The following CDC27 variants were observed in gnomAD, a reference collection of about 807,000 sequenced individuals.
CDC27 encodes cell division cycle 27.
In CDC27, 27 loss-of-function variants were observed where a neutral mutation model predicts 109.7. The observed-to-expected ratio is 0.25, with a 90% confidence interval of 0.18 to 0.34. The LOEUF (loss-of-function observed/expected upper bound fraction) is 0.34. Ranked by LOEUF, CDC27 falls within the 10% of genes least tolerant of loss-of-function variation. CDC27 has a pLI of 1.00. For synonymous variants in CDC27, 266 were observed against 333.9 expected (o/e 0.80, Z 2.22); for missense variants, 579 against 960.2 (o/e 0.60, Z 5.25).
chr17:47,188,883 G>A, intron 1 of CDC27: 2 of 1,381,764 alleles, frequency 1.4e-6, no homozygotes. Flanking sequence ...AGGAAAGGCT[G>A]GCCGGACGTT....
At position 47,133,062 on chromosome 17, in the gene CDC27, T is replaced by TATACAC. The variant is rs373677958; in HGVS notation, c.1914-689_1914-688insGTGTAT. 2.8e-3 allele frequency among the ~76,000 whole-genome samples: 208 copies of TATACAC among 73,688 alleles called. 3 individuals are homozygous for TATACAC. Among genetic ancestry groups the TATACAC allele is most frequent in the Middle Eastern group, 7.2e-3 (1 of 138 alleles). The allele number at this position is 73,688 out of a possible 152,430, so 48.3% of individuals were successfully genotyped here. On this transcript the variant is annotated intron_variant, in intron 14 of 18. Transcript: ENST00000066544. ...ACACACACACACACACACATACATATACACACACACACACACACACACAAA... is the reference window on the plus strand; with the variant it reads ...ACACACACACACACACACATACATATATACACACACACACACACACACACACACAAA...
In CDC27 at chr17:47,120,832, C is replaced by T. The variant is rs913178300; in HGVS notation, c.*103G>A. ...GCACACTCATGGTATAAGTGACGGA[C>T]GATGACACCGCCAGCTCAAGAGTAA... On this transcript the variant is annotated 3_prime_UTR_variant, in exon 19 of 19. Coordinates refer to ENST00000066544, the MANE Select transcript of CDC27 (RefSeq NM_001256.6). The T allele has an allele frequency of 3.0e-5, 24 of 790,430 alleles. No individual in the cohort carries two copies. The highest frequency in any genetic ancestry group is 4.5e-5 in the Non-Finnish European group (21 of 466,192). The allele number at this position is 790,430 out of a possible 1,614,324, so 49.0% of individuals were successfully genotyped here.
intron 14 of CDC27, among the ~76,000 whole-genome samples, chr17:47,133,133 AT>A (rs1568375201): frequency 8.9e-6 from 1 of 111,962 alleles, no homozygotes; most frequent in Non-Finnish European, 1.8e-5. Context: ...ATATATATAT[AT>A]ATAATATATA....
rs543959368 is a variant in CDC27 at position 47,138,411 on chromosome 17, ATTTAT to A, written c.1704+323_1704+327del. ...CCTATGTCTTACAATGACAATACTA[ATTTAT>A]TTTAATTTAAAATTATTAATTTTTT... On this transcript the variant is annotated intron_variant, in intron 13 of 18. Coordinates refer to ENST00000066544, the MANE Select transcript of CDC27 (RefSeq NM_001256.6). Among the ~76,000 whole-genome samples the A allele has an allele frequency of 1.9e-3, 292 of 152,316 alleles. 1 individual carries two copies. Among genetic ancestry groups the A allele is most frequent in the African/African-American group, 5.3e-3 (219 of 41,570 alleles).
rs143754152 is a variant in CDC27, at chr17:47,148,273, A to G, written c.1070+3533T>C. Among the ~76,000 whole-genome samples, 73 of 152,302 alleles carry G rather than the reference A, an allele frequency of 4.8e-4. No individual in the cohort carries two copies. In the East Asian group the frequency reaches 0.012, roughly 24 times the overall value. On this transcript the variant is annotated intron_variant, in intron 9 of 18. Transcript: ENST00000066544. ...AGACAAATGTCTGCAATAAAAAAAC[A>G]AAACAAAACAAAAAACCCAACAACA...
chr17:47,144,562 A>G (rs1217387810), intron 9 of CDC27, among the ~76,000 whole-genome samples: 1 of 152,206 alleles, frequency 6.6e-6, no homozygotes, highest in Admixed American at 6.5e-5. Context: ...AAATTCAAAC[A>G]GCTATATCAA....
intron 14 of CDC27, among the ~76,000 whole-genome samples, chr17:47,133,010 T>TATATATAC (rs2062406933): frequency 2.4e-5 from 1 of 42,246 alleles, no homozygotes; most frequent in Non-Finnish European, 4.8e-5. Flanking sequence ...TATATATATA[T>TATATATAC]ATATATATAT....
intron 1 of CDC27, among the ~76,000 whole-genome samples, chr17:47,184,599 C>T (rs1162418070): frequency 3.3e-5 from 5 of 152,280 alleles, no homozygotes; most frequent in African/African-American, 1.2e-4. Flanking sequence ...GAGTTGTATC[C>T]ATTTCTGACT....
At chr17:47,186,230 T>C (rs997841344) in intron 1 of CDC27, among the ~76,000 whole-genome samples, 11 of 152,256 alleles carry the variant, frequency 7.2e-5, no homozygotes, top group South Asian at 4.1e-4. Flanking sequence ...TCATTACCAA[T>C]GCACATTAAA....
intron 12 of CDC27, chr17:47,139,945 G>C (rs2062744257): frequency 6.6e-6 from 1 of 151,026 alleles, no homozygotes; most frequent in South Asian, 2.1e-4. Flanking sequence ...AATTTACCAA[G>C]TTCAAAATTC....
chr17:47,180,386 C>G (rs1458109896), intron 2 of CDC27, among the ~76,000 whole-genome samples: 1 of 152,108 alleles, frequency 6.6e-6, no homozygotes, highest in Non-Finnish European at 1.5e-5. Flanking sequence ...AGACAGCTCT[C>G]TCACATGGAC....
chr17:47,165,631 A>G (rs1486220659), intron 4 of CDC27, among the ~76,000 whole-genome samples: 2 of 152,106 alleles, frequency 1.3e-5, no homozygotes, highest in Non-Finnish European at 2.9e-5. Context: ...GTGTATTTTC[A>G]TTAATGTCTT....
intron 1 of CDC27, among the ~76,000 whole-genome samples, chr17:47,183,406 T>C (rs910475991): frequency 6.6e-6 from 1 of 152,220 alleles, no homozygotes; most frequent in African/African-American, 2.4e-5. Flanking sequence ...ATATTAATTA[T>C]AATTTTAAAA....
chr17:47,123,403 T>C (rs77600149), intron 17 of CDC27, among the ~76,000 whole-genome samples: 2,532 of 25,748 alleles, frequency 0.098, 33 homozygotes, highest in Middle Eastern at 0.19. Flanking sequence ...TTTTTTCTAC[T>C]TTTTTTTTTT....
intron 1 of CDC27, among the ~76,000 whole-genome samples, chr17:47,182,034 C>T (rs2064261228): frequency 6.6e-6 from 1 of 152,206 alleles, no homozygotes. Context: ...TCTAGTAGAG[C>T]ACTCATAACA....
chr17:47,158,430 G>T (rs774947895), intron 4 of CDC27, 127 bp from the exon 5 acceptor site: 3 of 415,472 alleles, frequency 7.2e-6, no homozygotes, highest in Non-Finnish European at 1.3e-5. Flanking sequence ...GCTTCTCTAA[G>T]TTACCAATTT....
At chr17:47,173,509 T>C (rs552809855) in intron 2 of CDC27, among the ~76,000 whole-genome samples, 94 of 152,354 alleles carry the variant, frequency 6.2e-4, no homozygotes, top group Non-Finnish European at 1.2e-3. Context: ...TCTTTTCACC[T>C]TATAAGTTTT....
At chr17:47,127,269 G>C (rs868304842) in intron 16 of CDC27, among the ~76,000 whole-genome samples, 5 of 151,960 alleles carry the variant, frequency 3.3e-5, no homozygotes, top group South Asian at 2.1e-4. Flanking sequence ...AAAAACTAAA[G>C]AAAGACAAGC....
At chr17:47,181,254 CAAAAAAAAAAAA>C (rs34104273) in intron 2 of CDC27, 321 of 31,232 alleles carry the variant, frequency 0.01, 1 homozygote, top group African/African-American at 0.037. Flanking sequence ...GACCCTGTTT[CAAAAAAAAAAAA>C]AAAAAAAAAA....
Sources: allele counts gnomAD v4.1 joint callset (sites outside exome capture counted in the v4.1 genomes callset), GRCh38; gene constraint gnomAD v4.1.1; transcripts MANE v1.5; gene names NCBI Gene and HGNC (gene_info 2026-07-23, HGNC 2026-07-21).